Variants in REDIC1 observed in about 807,000 individuals in gnomAD.
REDIC1 encodes regulator of DNA class I crossover intermediates 1, also known as HEI10 Interacting Protein 1.
chr12:39,797,541 A>G, the REDIC1 span, among the ~76,000 whole-genome samples: 7 of 152,188 alleles, frequency 4.6e-5, no homozygotes, highest in African/African-American at 1.7e-4. Flanking sequence ...AAGTAGCTAA[A>G]TATTTTAGTC....
At chr12:39,887,820 C>T in the REDIC1 span, among the ~76,000 whole-genome samples, 1 of 152,174 alleles carries the variant, frequency 6.6e-6, no homozygotes, top group Non-Finnish European at 1.5e-5. Context: ...TATGTTTATT[C>T]TTGTCATTGA....
the REDIC1 span, chr12:39,736,599 A>G: frequency 6.6e-6 from 1 of 152,226 alleles, no homozygotes; most frequent in Non-Finnish European, 1.5e-5. Context: ...GTGAGCCTTA[A>G]TGACTTGCTT....
the REDIC1 span, among the ~76,000 whole-genome samples, chr12:39,722,991 A>G: frequency 2.0e-5 from 3 of 152,094 alleles, no homozygotes; most frequent in African/African-American, 7.2e-5. Context: ...TCAGAAACTG[A>G]GATTGGGTAG....
chr12:39,724,654 G>T, the REDIC1 span, among the ~76,000 whole-genome samples: 1 of 152,032 alleles, frequency 6.6e-6, no homozygotes, highest in Admixed American at 6.6e-5. Context: ...ATAACTAAAA[G>T]GTTAACATTG....
At chr12:39,799,067 T>G in the REDIC1 span, among the ~76,000 whole-genome samples, 1 of 148,396 alleles carries the variant, frequency 6.7e-6, no homozygotes, top group African/African-American at 2.5e-5. Context: ...CTGTTCTGGT[T>G]TTTTTTTTTT....
the REDIC1 span, among the ~76,000 whole-genome samples, chr12:39,711,563 GTGTATATGTGCATACACA>G: frequency 4.9e-5 from 2 of 40,476 alleles, no homozygotes; most frequent in African/African-American, 1.2e-4. Context: ...ACACATGCAT[GTGTATATGTGCATACACA>G]TGCATGTGTA....
the REDIC1 span, chr12:39,755,817 TA>T: frequency 5.3e-5 from 8 of 152,200 alleles, no homozygotes; most frequent in South Asian, 1.7e-3. Context: ...AAGATTTACA[TA>T]AATTATATTG....
At chr12:39,863,761 CA>C in the REDIC1 span, among the ~76,000 whole-genome samples, 3 of 152,084 alleles carry the variant, frequency 2.0e-5, no homozygotes, top group Admixed American at 2.0e-4. Context: ...GCCTATTTTC[CA>C]AAGGCACATA....
the REDIC1 span, among the ~76,000 whole-genome samples, chr12:39,711,541 A>ATG: frequency 9.4e-6 from 1 of 106,852 alleles, no homozygotes; most frequent in African/African-American, 4.0e-5. Flanking sequence ...ATATACATAT[A>ATG]TGTATGTGCA....
At chr12:39,859,568 G>A in the REDIC1 span, among the ~76,000 whole-genome samples, 1 of 152,084 alleles carries the variant, frequency 6.6e-6, no homozygotes, top group Non-Finnish European at 1.5e-5. Context: ...TGTCACCCAG[G>A]CTGGAGTGCA....
chr12:39,896,350 ATGTATATG>A, the REDIC1 span, among the ~76,000 whole-genome samples: 1 of 129,198 alleles, frequency 7.7e-6, no homozygotes, highest in African/African-American at 3.2e-5. Flanking sequence ...ACATATATGT[ATGTATATG>A]TGTATATATG....
chr12:39,865,365 T>C, the REDIC1 span, among the ~76,000 whole-genome samples: 1 of 152,242 alleles, frequency 6.6e-6, no homozygotes, highest in Non-Finnish European at 1.5e-5. Context: ...AATGAGTTAT[T>C]TCTAAAGCAG....
At chr12:39,722,796 A>G in the REDIC1 span, among the ~76,000 whole-genome samples, 2 of 152,108 alleles carry the variant, frequency 1.3e-5, no homozygotes, top group South Asian at 2.1e-4. Flanking sequence ...AAAGAATTTA[A>G]TCTTGCCCCA....
the REDIC1 span, among the ~76,000 whole-genome samples, chr12:39,679,249 TG>T: frequency 6.6e-6 from 1 of 152,158 alleles, no homozygotes; most frequent in Non-Finnish European, 1.5e-5. Context: ...ATAGTATACC[TG>T]GAAAACCCTA....
the REDIC1 span, among the ~76,000 whole-genome samples, chr12:39,905,525 T>C: frequency 6.6e-6 from 1 of 152,166 alleles, no homozygotes; most frequent in African/African-American, 2.4e-5. Flanking sequence ...TTTACAAATA[T>C]GGTCTAAGAA....
chr12:39,793,088 A>G, the REDIC1 span, among the ~76,000 whole-genome samples: 1 of 152,202 alleles, frequency 6.6e-6, no homozygotes, highest in Non-Finnish European at 1.5e-5. Flanking sequence ...AAACACTACC[A>G]TCATATATGT....
At chr12:39,629,988 A>AT in the REDIC1 span, among the ~76,000 whole-genome samples, 50 of 151,572 alleles carry the variant, frequency 3.3e-4, no homozygotes, top group African/African-American at 1.1e-3. Context: ...CCAGTTAAAA[A>AT]TTTTTTTTTA....
the REDIC1 span, among the ~76,000 whole-genome samples, chr12:39,651,109 G>A: frequency 6.6e-6 from 1 of 152,038 alleles, no homozygotes; most frequent in Non-Finnish European, 1.5e-5. Flanking sequence ...TTTTTTGTAT[G>A]CATACATCTA....
chr12:39,831,419 C>A, the REDIC1 span, among the ~76,000 whole-genome samples: 1 of 152,066 alleles, frequency 6.6e-6, no homozygotes, highest in Non-Finnish European at 1.5e-5. Flanking sequence ...AGTCGTGATA[C>A]TATGGGTTGT....
Sources: allele counts gnomAD v4.1 joint callset (sites outside exome capture counted in the v4.1 genomes callset), GRCh38; gene constraint gnomAD v4.1.1; transcripts MANE v1.5; gene names NCBI Gene and HGNC (gene_info 2026-07-23, HGNC 2026-07-21).